Variants in KCNN2 observed in about 807,000 individuals in gnomAD.
KCNN2 encodes small conductance calcium-activated potassium channel protein 2.
KCNN2 carries 24 observed loss-of-function variants against 55.5 expected under a neutral mutation model. The observed-to-expected ratio is 0.43, with a 90% confidence interval of 0.31 to 0.61. The LOEUF (loss-of-function observed/expected upper bound fraction) is 0.61. KCNN2 is among the 20% of genes least tolerant of loss of function. The pLI is 0.08. For synonymous variants in KCNN2, 431 were observed against 336.1 expected, an observed-to-expected ratio of 1.28 and a Z score of -3.09; for missense variants, 754 against 853.6, an observed-to-expected ratio of 0.88 and a Z score of 1.45.
At chr5:114,104,642 A>T (rs1465053198) in intron 1 of KCNN2, among the ~76,000 whole-genome samples, 1 of 152,092 alleles carries the variant, frequency 6.6e-6, no homozygotes, top group Non-Finnish European at 1.5e-5. Flanking sequence ...CATTATAGAA[A>T]AGAAAAAATA....
chr5:114,057,919 T>C lies in KCNN2; in HGVS notation c.-271+1419T>C, dbSNP rs570564368. Among the ~76,000 whole-genome samples, 14 of 152,344 alleles carry C rather than the reference T, an allele frequency of 9.2e-5. 1 individual carries two copies. In the South Asian group the frequency reaches 2.9e-3, roughly 32 times the overall value. The stretch of plus-strand genomic sequence containing the variant: ...GGCAATATCAAGTGGTTGAAGAAGA[T>C]GTGGGTCCAAAGGATGTTCAAACAT... On this transcript the variant is annotated intron_variant, in intron 1 of 10. Coordinates refer to the KCNN2 transcript ENST00000512097.
intron 2 of KCNN2, among the ~76,000 whole-genome samples, chr5:114,233,178 C>A (rs912337058): frequency 5.9e-5 from 9 of 151,466 alleles, no homozygotes; most frequent in Admixed American, 4.6e-4. Context: ...CCTCGGCCTC[C>A]CAAAGTGCTG....
chr5:114,237,776 C>T (rs570289684), intron 2 of KCNN2, among the ~76,000 whole-genome samples: 1 of 152,300 alleles, frequency 6.6e-6, no homozygotes, highest in Non-Finnish European at 1.5e-5. Flanking sequence ...CCCCAAATCT[C>T]AGTAACTTAG....
At chr5:114,353,953 A>T (rs1757255075) in intron 2 of KCNN2, among the ~76,000 whole-genome samples, 1 of 151,494 alleles carries the variant, frequency 6.6e-6, no homozygotes, top group Admixed American at 6.6e-5. Flanking sequence ...GTGTAGATGA[A>T]TGTTTTTATC....
At chr5:114,462,924 T>C in intron 3 of KCNN2, 125 bp from the exon 4 acceptor site, 2 of 908,408 alleles carry the variant, frequency 2.2e-6, no homozygotes, top group Non-Finnish European at 3.3e-6. Context: ...TTCACAAGCT[T>C]TGAAAACTTC....
intron 5 of KCNN2, among the ~76,000 whole-genome samples, chr5:114,476,312 G>C (rs1230986194): frequency 6.6e-6 from 1 of 151,446 alleles, no homozygotes; most frequent in African/African-American, 2.4e-5. Flanking sequence ...AAAAAATGAT[G>C]AGTTCATTAC....
At chr5:114,157,253 G>T (rs564421145) in intron 1 of KCNN2, among the ~76,000 whole-genome samples, 3 of 150,748 alleles carry the variant, frequency 2.0e-5, no homozygotes, top group East Asian at 2.0e-4. Context: ...AGAACATGCG[G>T]TGTTTGGCCC....
chr5:114,235,935 T>C (rs1306254476), intron 2 of KCNN2, among the ~76,000 whole-genome samples: 3 of 152,204 alleles, frequency 2.0e-5, no homozygotes, highest in Admixed American at 6.5e-5. Flanking sequence ...AGAAAACTAA[T>C]CAGTATAAGT....
intron 1 of KCNN2, among the ~76,000 whole-genome samples, chr5:114,158,097 G>A (rs888955454): frequency 4.6e-5 from 7 of 152,076 alleles, no homozygotes; most frequent in African/African-American, 1.4e-4. Context: ...GGCCTGAATG[G>A]TATTGCCTAG....
chr5:114,383,099 C>T (rs574415894), intron 2 of KCNN2, among the ~76,000 whole-genome samples: 60 of 152,222 alleles, frequency 3.9e-4, no homozygotes, highest in African/African-American at 1.3e-3. Context: ...TGCCCAGGTA[C>T]TAAGCTATGA....
At chr5:114,278,705 G>A (rs1166466605) in intron 2 of KCNN2, among the ~76,000 whole-genome samples, 8 of 152,208 alleles carry the variant, frequency 5.3e-5, no homozygotes, top group East Asian at 1.9e-4. Context: ...CTGGTCTGCC[G>A]GTTGCGAAGA....
chr5:114,393,601 T>C (rs983137444), intron 2 of KCNN2, among the ~76,000 whole-genome samples: 2 of 152,112 alleles, frequency 1.3e-5, no homozygotes, highest in African/African-American at 4.8e-5. Context: ...GCATTAAATA[T>C]TATATAATTA....
intron 2 of KCNN2, among the ~76,000 whole-genome samples, chr5:114,297,236 T>G (rs1028264566): frequency 2.6e-5 from 4 of 152,124 alleles, no homozygotes; most frequent in African/African-American, 9.7e-5. Context: ...GAGGATCACT[T>G]AAGTCCAGGA....
At chr5:114,074,063 C>A (rs1750630700) in intron 1 of KCNN2, among the ~76,000 whole-genome samples, 1 of 152,030 alleles carries the variant, frequency 6.6e-6, no homozygotes, top group Admixed American at 6.6e-5. Flanking sequence ...TGACTTACTG[C>A]CCTGGTTTTA....
Position 114,448,305 on chromosome 5 carries a change from G to C in KCNN2, c.1638-14744G>C, listed in dbSNP as rs142581993. Among the ~76,000 whole-genome samples, 5 of 152,238 alleles carry C rather than the reference G, an allele frequency of 3.3e-5. No individual in the cohort carries two copies. In the South Asian group the frequency reaches 6.2e-4, roughly 19 times the overall value. On this transcript the variant is annotated intron_variant, in intron 3 of 7. Transcript: ENST00000673685. ...GTCAGTTCCAGATCTCTACAAGGGT[G>C]TTCTGAAGCCTTTATGGAGTAGGGG...
intron 3 of KCNN2, among the ~76,000 whole-genome samples, chr5:114,411,185 A>G (rs759318542): frequency 6.6e-6 from 1 of 152,190 alleles, no homozygotes; most frequent in Non-Finnish European, 1.5e-5. Flanking sequence ...AGAATAATCC[A>G]GGTAGATTTC....
chr5:114,471,769 C>T lies in KCNN2; in HGVS notation c.1780-1285C>T, dbSNP rs932967397. Among the ~76,000 whole-genome samples, 3 of 152,154 alleles carry T rather than the reference C, an allele frequency of 2.0e-5. No individual in the cohort carries two copies. In the East Asian group the frequency reaches 5.8e-4, roughly 29 times the overall value. ...AGATGGAACAGGCTATTTAAGCCCTCTGGAAATATATTAAAGCAGTATTGG... is the reference window on the plus strand; with the variant it reads ...AGATGGAACAGGCTATTTAAGCCCTTTGGAAATATATTAAAGCAGTATTGG... On this transcript the variant is annotated intron_variant, in intron 4 of 7. Transcript: ENST00000673685.
At chr5:114,230,275 TTTTC>T (rs1384098979) in intron 2 of KCNN2, among the ~76,000 whole-genome samples, 3 of 119,132 alleles carry the variant, frequency 2.5e-5, no homozygotes, top group East Asian at 4.2e-4. Context: ...TTCTTTTTTT[TTTTC>T]TTTCTTTCTT....
chr5:114,282,763 T>A (rs746485267), intron 2 of KCNN2, among the ~76,000 whole-genome samples: 7 of 152,208 alleles, frequency 4.6e-5, no homozygotes, highest in Non-Finnish European at 7.4e-5. Context: ...ATTGGATTTT[T>A]AAAAATATCT....
Sources: allele counts gnomAD v4.1 joint callset (sites outside exome capture counted in the v4.1 genomes callset), GRCh38; gene constraint gnomAD v4.1.1; transcripts MANE v1.5; gene names NCBI Gene and HGNC (gene_info 2026-07-23, HGNC 2026-07-21).